ANO7: variants seen among roughly 807,000 people sequenced by gnomAD.
ANO7 encodes anoctamin 7, also known as anoctamin-7.
In ANO7, 114 loss-of-function variants were observed where a neutral mutation model predicts 115.8. That is an observed-to-expected ratio of 0.98 (90% CI 0.85 to 1.15). The LOEUF (loss-of-function observed/expected upper bound fraction) is 1.15. ANO7 is among the 50% of genes most tolerant of loss of function. ANO7 has a pLI of 0.00. For synonymous variants in ANO7, 550 were observed against 498.2 expected, an observed-to-expected ratio of 1.10 and a Z score of -1.38; for missense variants, 1,302 against 1,201.2, an observed-to-expected ratio of 1.08 and a Z score of -1.24.
the ANO7 span, among the ~76,000 whole-genome samples, chr2:241,232,093 A>G: frequency 6.6e-6 from 1 of 152,162 alleles, no homozygotes; most frequent in Admixed American, 6.5e-5. Context: ...GGGAGGCAGC[A>G]GCCCCACCCA....
In ANO7 at chr2:241,195,861, C is replaced by T. The variant is rs965828192; in HGVS notation, c.309+16C>T. On this transcript the variant is annotated intron_variant, in intron 4 of 24. Coordinates refer to ENST00000674324, the MANE Select transcript of ANO7 (RefSeq NM_001370694.2). ...TGTAGACCAGGTACGTGGAGGCTGT[C>T]ATGGGCAGGGCCCTAGGCCCTGCAT... 3 of 1,614,050 alleles carry T rather than the reference C, an allele frequency of 1.9e-6. No individual in the cohort carries two copies. The highest frequency in any genetic ancestry group is 2.5e-6 in the Non-Finnish European group (3 of 1,180,034).
intron 11 of ANO7, among the ~76,000 whole-genome samples, 178 bp from the exon 12 acceptor site, chr2:241,209,107 C>G (rs1320166993): frequency 6.6e-6 from 1 of 152,226 alleles, no homozygotes; most frequent in Non-Finnish European, 1.5e-5. Context: ...CGAGATCGCG[C>G]CACTGCACTC....
chr2:241,191,928 T>G (rs973114540), intron 3 of ANO7, among the ~76,000 whole-genome samples: 24 of 152,214 alleles, frequency 1.6e-4, no homozygotes, highest in African/African-American at 5.8e-4. Flanking sequence ...ATGTCTTCCC[T>G]GGGTGAGCGC....
At position 241,204,972 on chromosome 2, in the gene ANO7, C is replaced by A; in HGVS notation, c.980+17C>A. ...CATACCCACGTGAGTGTTCCCTCTCCGCAGCTCTGGGGCCTGGTGCTGGGC... is the reference window on the plus strand; with the variant it reads ...CATACCCACGTGAGTGTTCCCTCTCAGCAGCTCTGGGGCCTGGTGCTGGGC... On this transcript the variant is annotated intron_variant, in intron 10 of 24. Coordinates refer to ENST00000674324, the MANE Select transcript of ANO7 (RefSeq NM_001370694.2). The A allele has an allele frequency of 6.2e-7, 1 of 1,611,806 alleles. No individual in the cohort carries two copies. The highest frequency in any genetic ancestry group is 8.5e-7 in the Non-Finnish European group (1 of 1,178,134).
At chr2:241,201,404 A>AG in intron 7 of ANO7, 49 bp downstream of exon 7, 2 of 1,586,424 alleles carry the variant, frequency 1.3e-6, no homozygotes, top group Non-Finnish European at 1.7e-6. Context: ...CCTGGCTCTG[A>AG]GGATCCTGCC....
the ANO7 span, among the ~76,000 whole-genome samples, chr2:241,231,667 C>T: frequency 6.6e-6 from 1 of 152,092 alleles, no homozygotes; most frequent in Non-Finnish European, 1.5e-5. Flanking sequence ...CATTCCTCAG[C>T]GAGCCCCTCC....
chr2:241,224,440 G>A lies in ANO7; in HGVS notation c.*287G>A, dbSNP rs1406685494. 6 of 461,268 alleles carry A rather than the reference G, an allele frequency of 1.3e-5. No homozygotes were observed. The highest frequency in any genetic ancestry group is 3.9e-5 in the African/African-American group (2 of 50,694). The allele number at this position is 461,268 out of a possible 1,614,324, so 28.6% of individuals were successfully genotyped here. ...CTGCACCCAAGGGACCCTGTCCCTC[G>A]GTGGCCTCCCCAGGCCCCTGGACAC... On this transcript the variant is annotated 3_prime_UTR_variant, in exon 25 of 25. Transcript: ENST00000674324.
chr2:241,219,073 G>A (rs1280725915), intron 21 of ANO7, among the ~76,000 whole-genome samples: 1 of 152,206 alleles, frequency 6.6e-6, no homozygotes, highest in African/African-American at 2.4e-5. Context: ...AGGGGAGGTT[G>A]GGGAGAAACT....
At chr2:241,191,143 C>A in intron 2 of ANO7, 51 bp from the exon 3 acceptor site, 5 of 1,606,592 alleles carry the variant, frequency 3.1e-6, no homozygotes, top group Non-Finnish European at 4.3e-6. Context: ...GTGTAGTTGT[C>A]GAGGGCAGAT....
At chr2:241,210,688 TTTTTC>T (rs746514680) in intron 15 of ANO7, 118 bp downstream of exon 15, 267 of 875,350 alleles carry the variant, frequency 3.1e-4, no homozygotes, top group Non-Finnish European at 4.5e-4. Context: ...TCTTTCTTCT[TTTTTC>T]TTTTGAGACA....
chr2:241,236,934 A>C, the ANO7 span, among the ~76,000 whole-genome samples: 3 of 141,770 alleles, frequency 2.1e-5, no homozygotes, highest in Non-Finnish European at 4.6e-5. Flanking sequence ...GGGAGAGCAG[A>C]TAGGACGTCC....
At chr2:241,211,742 C>T (rs74666733) in intron 15 of ANO7, among the ~76,000 whole-genome samples, 2,154 of 152,248 alleles carry the variant, frequency 0.014, 46 homozygotes, top group African/African-American at 0.049. Context: ...CTGTAACCTT[C>T]AGCCTTTGAT....
At chr2:241,212,775 C>T (rs1163984404) in intron 17 of ANO7, 149 bp downstream of exon 17, 1 of 806,634 alleles carries the variant, frequency 1.2e-6, no homozygotes, top group East Asian at 2.8e-5. Flanking sequence ...GCTGACCACT[C>T]AGGGCTCCCA....
chr2:241,219,540 T>A (rs1188063191), intron 21 of ANO7, among the ~76,000 whole-genome samples: 1 of 152,018 alleles, frequency 6.6e-6, no homozygotes, highest in Non-Finnish European at 1.5e-5. Flanking sequence ...TTTTAGGGGT[T>A]ACTCATATGT....
At chr2:241,227,002 T>C (rs2069203333), downstream of ANO7, among the ~76,000 whole-genome samples, 1 of 151,604 alleles carries the variant, frequency 6.6e-6, no homozygotes, top group Non-Finnish European at 1.5e-5. Context: ...TAAAAGGGAG[T>C]GGCAGGTGCT....
intron 3 of ANO7, among the ~76,000 whole-genome samples, chr2:241,193,030 T>C (rs2068240459): frequency 6.6e-6 from 1 of 152,066 alleles, no homozygotes; most frequent in Admixed American, 6.6e-5. Flanking sequence ...CACTTAAATG[T>C]GGTTAAGATG....
chr2:241,236,463 C>T, the ANO7 span: 3 of 758,654 alleles, frequency 4.0e-6, no homozygotes, highest in African/African-American at 5.2e-5. Context: ...AGCCGAGAAG[C>T]ACAGCCCGTG....
chr2:241,201,774 TGACCACCACA>T (rs2068478277), intron 7 of ANO7, among the ~76,000 whole-genome samples: 2 of 152,210 alleles, frequency 1.3e-5, no homozygotes, highest in Non-Finnish European at 2.9e-5. Flanking sequence ...GAGGCCCTGC[TGACCACCACA>T]GGGCACACAG....
chr2:241,230,490 G>A (rs1428895519), downstream of ANO7, among the ~76,000 whole-genome samples: 1 of 152,202 alleles, frequency 6.6e-6, no homozygotes, highest in Non-Finnish European at 1.5e-5. The surrounding 1 kb of genome is among the most constrained non-coding windows in gnomAD (Gnocchi z 5.0). Context: ...CGTACTGTGC[G>A]CTCTTGCATG....
Sources: gnomAD v4.1 joint callset for allele counts (sites outside exome capture counted in the v4.1 genomes callset) on GRCh38, gnomAD v4.1.1 for gene constraint, Gnocchi (gnomAD v3.1) non-coding constraint, MANE v1.5 for transcripts, NCBI Gene and HGNC (gene_info 2026-07-23, HGNC 2026-07-21) for gene names.